The following DEDD2 variants were observed in gnomAD, a reference collection of about 807,000 sequenced individuals.
The protein encoded by DEDD2 is death effector domain containing 2, also known as DNA-binding death effector domain-containing protein 2.
Under a neutral mutation model 28.9 loss-of-function variants are expected in DEDD2, and 18 were observed. The ratio of observed to expected loss-of-function variants is 0.62; its 90% CI spans 0.43 to 0.92. The LOEUF (loss-of-function observed/expected upper bound fraction) is 0.92. Ranked by LOEUF, DEDD2 falls within the 40% of genes least tolerant of loss-of-function variation. The probability of loss-of-function intolerance (pLI) is 0.00; values close to 1 mark genes in which losing one functional copy is unlikely to be tolerated. For synonymous variants in DEDD2, 211 were observed against 206.1 expected (o/e 1.02, Z -0.20); for missense variants, 411 against 463.3 (o/e 0.89, Z 1.04).
chr19:42,201,957 G>A (rs1446089952), intron 4 of DEDD2: 1 of 398,722 alleles, frequency 2.5e-6, no homozygotes, highest in African/African-American at 2.1e-5. Flanking sequence ...GTTGGCCACA[G>A]AGGCAGGGCC....
chr19:42,203,220 C>T (rs755117025), intron 4 of DEDD2, among the ~76,000 whole-genome samples: 12 of 152,140 alleles, frequency 7.9e-5, no homozygotes, highest in Non-Finnish European at 1.6e-4. Flanking sequence ...GAACCATACA[C>T]ATCAAATACA....
chr19:42,214,643 G>A (rs920459457), intron 3 of DEDD2, among the ~76,000 whole-genome samples: 1 of 152,092 alleles, frequency 6.6e-6, no homozygotes, highest in African/African-American at 2.4e-5. Context: ...TACCCCTGTA[G>A]TTCTAGTTAC....
chr19:42,217,732 T>G (rs1420590295), upstream of DEDD2: 1 of 152,418 alleles, frequency 6.6e-6, no homozygotes, highest in Non-Finnish European at 1.5e-5. Context: ...ACCTCGCCCC[T>G]CCTCCTTCCC....
chr19:42,217,749 C>G (rs1202915441), upstream of DEDD2: 1 of 152,420 alleles, frequency 6.6e-6, no homozygotes, highest in African/African-American at 2.4e-5. Context: ...TCCCCCAACT[C>G]GCGCAGGTGC....
chr19:42,206,302 T>C (rs1471327916), intron 4 of DEDD2, among the ~76,000 whole-genome samples: 2 of 152,078 alleles, frequency 1.3e-5, no homozygotes, highest in Non-Finnish European at 2.9e-5. Flanking sequence ...CCTTGAGCAC[T>C]GGCACATCCC....
chr19:42,218,186 C>T (rs1195843552), upstream of DEDD2, among the ~76,000 whole-genome samples: 1 of 152,158 alleles, frequency 6.6e-6, no homozygotes, highest in African/African-American at 2.4e-5. Context: ...AACCAGGGAT[C>T]TACATCTCAA....
At chr19:42,207,304 T>C (rs1315148222) in intron 4 of DEDD2, among the ~76,000 whole-genome samples, 1 of 152,156 alleles carries the variant, frequency 6.6e-6, no homozygotes, top group Non-Finnish European at 1.5e-5. Flanking sequence ...TTATGGGCAC[T>C]AGGAGGGGGC....
upstream of DEDD2, among the ~76,000 whole-genome samples, chr19:42,218,767 T>C (rs1238826524): frequency 6.6e-6 from 1 of 152,356 alleles, no homozygotes; most frequent in East Asian, 1.9e-4. Context: ...GCGCGGTAGC[T>C]CACGTCTGTA....
Position 42,209,832 on chromosome 19 carries a change from G to C in DEDD2, c.457C>G (p.Pro153Ala), listed in dbSNP as rs200005635. 99 of 1,537,238 alleles carry C rather than the reference G, an allele frequency of 6.4e-5. No individual in the cohort carries two copies. Among genetic ancestry groups the C allele is most frequent in the Middle Eastern group, 3.5e-4 (2 of 5,680 alleles). Residue 153 changes from proline to alanine, a missense_variant, in exon 4 of 5, where the codon CCA (proline) becomes GCA (alanine). Pro to Ala is a conservative substitution (Grantham distance 27). Coordinates refer to ENST00000596251, the MANE Select transcript of DEDD2 (RefSeq NM_133328.4). ...QQGQWETGSP[P>A]TKRQRRSRGR... is the part of the protein sequence containing the mutation. ...CGACTCCGCCGCTGCCGCTTGGTTG[G>C]GGGGGAGCCTGAGGGGAAAAAAATG...
chr19:42,205,117 G>A (rs1231003137), intron 4 of DEDD2, among the ~76,000 whole-genome samples: 1 of 152,128 alleles, frequency 6.6e-6, no homozygotes. Context: ...AGAACACACT[G>A]AATCAACCCT....
At chr19:42,200,635 A>G (rs1240267459) in intron 4 of DEDD2, among the ~76,000 whole-genome samples, 1 of 152,196 alleles carries the variant, frequency 6.6e-6, no homozygotes, top group East Asian at 1.9e-4. Flanking sequence ...GGAAGCCCAG[A>G]GCTGCTGGGA....
intron 4 of DEDD2, among the ~76,000 whole-genome samples, chr19:42,205,072 C>G (rs1448617292): frequency 6.6e-6 from 1 of 152,174 alleles, no homozygotes; most frequent in African/African-American, 2.4e-5. Flanking sequence ...CTCCAGACCC[C>G]ACTACCCATC....
intron 3 of DEDD2, among the ~76,000 whole-genome samples, chr19:42,211,189 G>A (rs77370021): frequency 0.026 from 3,978 of 151,886 alleles, 168 homozygotes; most frequent in African/African-American, 0.089. Flanking sequence ...CCTGGAACCC[G>A]GGCAACATGG....
rs2035203532 is a variant in DEDD2 at position 42,198,736 on chromosome 19, C to T, written c.*702G>A. ...TTTGGCCCCATGTGCAACAGTAGGCCTTGGTATGATGCTGCCATAACACTC... is the reference window on the plus strand; with the variant it reads ...TTTGGCCCCATGTGCAACAGTAGGCTTTGGTATGATGCTGCCATAACACTC... On this transcript the variant is annotated 3_prime_UTR_variant, in exon 5 of 5. Coordinates refer to ENST00000596251, the MANE Select transcript of DEDD2 (RefSeq NM_133328.4). 6.6e-6 allele frequency: 1 copy of T among 152,264 alleles called. No homozygotes were observed. The highest frequency in any genetic ancestry group is 2.4e-5 in the African/African-American group (1 of 41,424). 9.4% of individuals were successfully genotyped at this position (152,264 alleles called of 1,614,324 possible). A position where few individuals can be genotyped will look rare whatever the true frequency, so the allele number is the denominator to read the frequency against.
At chr19:42,207,531 G>A (rs1289519991) in intron 4 of DEDD2, among the ~76,000 whole-genome samples, 1 of 151,950 alleles carries the variant, frequency 6.6e-6, no homozygotes, top group Admixed American at 6.6e-5. Context: ...CTTTGCAGGG[G>A]CTCGGCACCA....
intron 2 of DEDD2, among the ~76,000 whole-genome samples, chr19:42,216,380 C>T (rs1275796213): frequency 2.6e-5 from 4 of 152,158 alleles, no homozygotes; most frequent in Non-Finnish European, 5.9e-5. Context: ...ACAGGACTTC[C>T]TTGTGAGATT....
chr19:42,207,364 A>C (rs1387522891), intron 4 of DEDD2, among the ~76,000 whole-genome samples: 2 of 152,098 alleles, frequency 1.3e-5, no homozygotes, highest in African/African-American at 4.8e-5. Context: ...TGGTAGAAGG[A>C]AGCACCCCCA....
Position 42,210,696 on chromosome 19 carries a change from C to T in DEDD2, c.449-856G>A, listed in dbSNP as rs185081499. Among the ~76,000 whole-genome samples the T allele has an allele frequency of 1.6e-4, 25 of 152,218 alleles. No homozygotes were observed. In the East Asian group the frequency reaches 4.6e-3, roughly 28 times the overall value. On this transcript the variant is annotated intron_variant, in intron 3 of 4. Transcript: ENST00000596251. Reference sequence around the variant, plus strand: ...GGCATTGAGTCACCAAGCCCAGCCCCACACTTTAGTTTTGACTTTTGACTC... The same window carrying T: ...GGCATTGAGTCACCAAGCCCAGCCCTACACTTTAGTTTTGACTTTTGACTC...
chr19:42,213,247 T>G (rs997464613), intron 3 of DEDD2, among the ~76,000 whole-genome samples: 5 of 152,028 alleles, frequency 3.3e-5, no homozygotes, highest in African/African-American at 7.3e-5. Context: ...AAAGGGGCAT[T>G]GGGGGAATAC....
Sources: gnomAD v4.1 joint callset for allele counts (sites outside exome capture counted in the v4.1 genomes callset) on GRCh38, gnomAD v4.1.1 for gene constraint, MANE v1.5 for transcripts, NCBI Gene and HGNC (gene_info 2026-07-23, HGNC 2026-07-21) for gene names.